AUTS2: variants seen among roughly 807,000 people sequenced by gnomAD.
The protein encoded by AUTS2 is activator of transcription and developmental regulator AUTS2.
Under a neutral mutation model 112.4 loss-of-function variants are expected in AUTS2, and 17 were observed. The ratio of observed to expected loss-of-function variants is 0.15; its 90% CI spans 0.10 to 0.23. The LOEUF (loss-of-function observed/expected upper bound fraction) is 0.23. AUTS2 is among the 10% of genes least tolerant of loss of function. AUTS2 has a pLI of 1.00. For missense variants in AUTS2, 1,510 were observed against 1,701.6 expected (o/e 0.89, Z 1.98); for synonymous variants, 751 against 702.7 (o/e 1.07, Z -1.09).
chr7:70,343,387 C>T (rs1235490636), intron 4 of AUTS2, among the ~76,000 whole-genome samples: 6 of 152,166 alleles, frequency 3.9e-5, no homozygotes, highest in Admixed American at 1.3e-4. Context: ...TGGTTTTCTG[C>T]TCAACAGAAT....
chr7:69,917,641 T>C (rs1304738851), intron 2 of AUTS2, among the ~76,000 whole-genome samples: 1 of 152,140 alleles, frequency 6.6e-6, no homozygotes, highest in African/African-American at 2.4e-5. Context: ...TATATTGTTT[T>C]TTGTCCCTCA....
intron 1 of AUTS2, among the ~76,000 whole-genome samples, chr7:69,639,650 C>T (rs1039197245): frequency 2.0e-5 from 3 of 152,188 alleles, no homozygotes; most frequent in Non-Finnish European, 2.9e-5. Flanking sequence ...CCTGTTGTGC[C>T]CAAGGGCACC....
intron 1 of AUTS2, among the ~76,000 whole-genome samples, chr7:69,607,708 C>G (rs578063036): frequency 6.6e-6 from 1 of 152,248 alleles, no homozygotes; most frequent in Admixed American, 6.5e-5. Flanking sequence ...TGCCATACCC[C>G]CTTGTTACCT....
intron 4 of AUTS2, among the ~76,000 whole-genome samples, chr7:70,280,284 C>CT (rs530905531): frequency 0.013 from 1,738 of 135,478 alleles, 34 homozygotes; most frequent in African/African-American, 0.039. Context: ...TTCTTTCTTT[C>CT]TTTTTTTTTT....
intron 5 of AUTS2, among the ~76,000 whole-genome samples, chr7:70,586,287 G>A (rs1009996542): frequency 2.0e-5 from 3 of 152,134 alleles, no homozygotes; most frequent in Admixed American, 6.5e-5. Context: ...TGTACCCTGC[G>A]GGAAGATATC....
At chr7:70,747,345 TTGG>T (rs1437339920) in intron 6 of AUTS2, among the ~76,000 whole-genome samples, 2 of 152,204 alleles carry the variant, frequency 1.3e-5, no homozygotes, top group Non-Finnish European at 1.5e-5. Context: ...CACTAGTGTA[TTGG>T]TGACTTACTC....
chr7:70,312,957 G>C (rs977546756), intron 4 of AUTS2, among the ~76,000 whole-genome samples: 1 of 152,228 alleles, frequency 6.6e-6, no homozygotes, highest in Non-Finnish European at 1.5e-5. Context: ...AAGAGCATCA[G>C]ATTGCTCTAG....
At chr7:70,712,093 C>T (rs1057400473) in intron 6 of AUTS2, among the ~76,000 whole-genome samples, 7 of 150,698 alleles carry the variant, frequency 4.6e-5, no homozygotes, top group East Asian at 3.9e-4. Flanking sequence ...GGTGCAATCT[C>T]GGCTCGCTGC....
chr7:70,664,080 T>C (rs1807211456), intron 5 of AUTS2, among the ~76,000 whole-genome samples: 1 of 152,218 alleles, frequency 6.6e-6, no homozygotes, highest in African/African-American at 2.4e-5. Context: ...CAGAATGACA[T>C]TCCTTTACTG....
chr7:70,112,399 T>C (rs1218730832), intron 2 of AUTS2, among the ~76,000 whole-genome samples: 1 of 152,062 alleles, frequency 6.6e-6, no homozygotes, highest in Non-Finnish European at 1.5e-5. Flanking sequence ...TTGGTGGTAA[T>C]GTCCCATAGA....
rs368656288 is a variant in AUTS2, at chr7:70,331,813, C to T, written c.661-103939C>T. Reference sequence around the variant, plus strand: ...CTCAATAAACTAGGTATTGATTTAACGTATATTGAAATAATAAAAGCTATT... The same window carrying T: ...CTCAATAAACTAGGTATTGATTTAATGTATATTGAAATAATAAAAGCTATT... On this transcript the variant is annotated intron_variant, in intron 4 of 18. Coordinates refer to ENST00000342771, the MANE Select transcript of AUTS2 (RefSeq NM_015570.4). Among the ~76,000 whole-genome samples the T allele has an allele frequency of 5.3e-5, 8 of 152,222 alleles. No homozygotes were observed. The South Asian group carries it at 1.5e-3, about 28-fold the overall frequency.
At chr7:70,280,989 C>T (rs1287449556) in intron 4 of AUTS2, among the ~76,000 whole-genome samples, 1 of 152,140 alleles carries the variant, frequency 6.6e-6, no homozygotes, top group African/African-American at 2.4e-5. Flanking sequence ...TCTATGTCTC[C>T]ATACCCATAT....
chr7:70,228,783 A>G (rs1009705508), intron 4 of AUTS2, among the ~76,000 whole-genome samples: 13 of 151,902 alleles, frequency 8.6e-5, no homozygotes, highest in Non-Finnish European at 1.8e-4. Flanking sequence ...TATATATCTT[A>G]TATACCCAAC....
chr7:70,788,474 T>C (rs1277171832), intron 18 of AUTS2, among the ~76,000 whole-genome samples: 1 of 152,208 alleles, frequency 6.6e-6, no homozygotes, highest in African/African-American at 2.4e-5. Flanking sequence ...GGAATGTTTA[T>C]GACATTCATC....
chr7:69,716,699 G>A (rs1404303215), intron 1 of AUTS2, among the ~76,000 whole-genome samples: 5 of 152,032 alleles, frequency 3.3e-5, no homozygotes, highest in African/African-American at 9.7e-5. Context: ...AACTGCCCCC[G>A]ACTTCAGACA....
At chr7:69,682,913 C>T (rs1018894075) in intron 1 of AUTS2, among the ~76,000 whole-genome samples, 1 of 152,084 alleles carries the variant, frequency 6.6e-6, no homozygotes, top group Non-Finnish European at 1.5e-5. Context: ...GATATGGCTC[C>T]GTTGTCTGGA....
rs977284893 is a variant in AUTS2, at chr7:70,792,412, T to C, written c.*1416T>C. ...CTTGTCTACTGGACTGTAAAATATA[T>C]GTATGAAATAAAATTAGTTCCATTT... On this transcript the variant is annotated 3_prime_UTR_variant, in exon 19 of 19. Coordinates refer to ENST00000342771, the MANE Select transcript of AUTS2 (RefSeq NM_015570.4). 14 of 152,100 alleles carry C rather than the reference T, an allele frequency of 9.2e-5. 1 individual carries two copies. Among genetic ancestry groups the C allele is most frequent in the African/African-American group, 3.4e-4 (14 of 41,296 alleles). The allele number at this position is 152,100 out of a possible 1,614,324, so 9.4% of individuals were successfully genotyped here.
chr7:70,059,913 C>A (rs1007734881), intron 2 of AUTS2, among the ~76,000 whole-genome samples: 3 of 152,118 alleles, frequency 2.0e-5, no homozygotes, highest in South Asian at 4.1e-4. Context: ...AAATAATTGA[C>A]TTAAAATTAA....
chr7:69,637,613 G>T (rs1191872607), intron 1 of AUTS2, among the ~76,000 whole-genome samples: 1 of 152,196 alleles, frequency 6.6e-6, no homozygotes, highest in Non-Finnish European at 1.5e-5. Context: ...AAGTGCCTTT[G>T]TTTTTCGTAA....
Sources: allele counts gnomAD v4.1 joint callset (sites outside exome capture counted in the v4.1 genomes callset), GRCh38; gene constraint gnomAD v4.1.1; transcripts MANE v1.5; gene names NCBI Gene and HGNC (gene_info 2026-07-23, HGNC 2026-07-21).